Variants in COL5A2 observed in about 807,000 individuals in gnomAD.
The protein encoded by COL5A2 is collagen alpha-2(V) chain.
A neutral mutation model predicts 208.2 loss-of-function variants in COL5A2; 23 were observed. The observed-to-expected ratio is 0.11, with a 90% CI of 0.08 to 0.16. The LOEUF (loss-of-function observed/expected upper bound fraction) is 0.16, where lower values mean the gene tolerates loss of function less well. COL5A2 is among the 10% of genes least tolerant of loss of function. The probability of loss-of-function intolerance (pLI) is 1.00; values close to 1 mark genes in which losing one functional copy is unlikely to be tolerated. For missense variants in COL5A2, 1,590 were observed against 1,956.4 expected (o/e 0.81, Z 3.53); for synonymous variants, 625 against 628.5 (o/e 0.99, Z 0.08).
chr2:189,058,418 A>G lies in COL5A2; in HGVS notation c.2229+11T>C. On this transcript the variant is annotated intron_variant, in intron 33 of 53. Coordinates refer to ENST00000374866, the MANE Select transcript of COL5A2 (RefSeq NM_000393.5). ...AGCATTTTAAAACACTGAGATCACT[A>G]TGACACTTACTTTTGGGCCATCAGG... 1 of 1,606,026 alleles carries G rather than the reference A, an allele frequency of 6.2e-7. No homozygotes were observed. The highest frequency in any genetic ancestry group is 8.5e-7 in the Non-Finnish European group (1 of 1,172,652).
chr2:189,075,388 CT>C lies in COL5A2; in HGVS notation c.1104+4del. On this transcript the variant is annotated splice_donor_region_variant and intron_variant, in intron 17 of 53. Transcript: ENST00000374866. ...ATGAATTAATATGAAAATAATATAA[CT>C]CACCATTGGTCCAGGTTTTCCAGGC... is the stretch of plus-strand genomic sequence containing the variant. 4.4e-6 allele frequency: 7 copies of C among 1,586,702 alleles called. No individual in the cohort carries two copies. Among genetic ancestry groups the C allele is most frequent in the Non-Finnish European group, 6.1e-6 (7 of 1,155,778 alleles).
chr2:189,039,220 A>G, intron 51 of COL5A2, 52 bp downstream of exon 51: 1 of 1,605,416 alleles, frequency 6.2e-7, no homozygotes, highest in Non-Finnish European at 8.5e-7. Flanking sequence ...GCAGTTGAGA[A>G]TAAACAATCA....
chr2:189,091,352 G>A (rs1468017178), intron 7 of COL5A2, among the ~76,000 whole-genome samples: 1 of 152,194 alleles, frequency 6.6e-6, no homozygotes, highest in Admixed American at 6.5e-5. Flanking sequence ...TGAAGATACT[G>A]TGAAGATTGT....
chr2:189,121,729 T>C (rs2105736259), intron 1 of COL5A2, among the ~76,000 whole-genome samples: 1 of 85,564 alleles, frequency 1.2e-5, no homozygotes, highest in East Asian at 3.6e-4. Context: ...AGAGTGAGAC[T>C]CCGTCTCAAA....
the COL5A2 span, among the ~76,000 whole-genome samples, chr2:189,250,283 C>T: frequency 6.6e-6 from 1 of 152,270 alleles, no homozygotes; most frequent in South Asian, 2.1e-4. Flanking sequence ...ACTACTATAA[C>T]ACCCCATTTT....
At chr2:189,426,704 T>G in the COL5A2 span, among the ~76,000 whole-genome samples, 1 of 152,244 alleles carries the variant, frequency 6.6e-6, no homozygotes, top group Non-Finnish European at 1.5e-5. Flanking sequence ...ACTTCCGCTA[T>G]GCTTTAGCAA....
chr2:189,090,921 T>C (rs527532963), intron 7 of COL5A2, among the ~76,000 whole-genome samples: 1 of 152,344 alleles, frequency 6.6e-6, no homozygotes, highest in South Asian at 2.1e-4. Flanking sequence ...GATATTAATG[T>C]TGTTTTCATG....
At chr2:189,360,340 A>C in the COL5A2 span, among the ~76,000 whole-genome samples, 16 of 152,104 alleles carry the variant, frequency 1.1e-4, no homozygotes, top group African/African-American at 3.9e-4. Context: ...ATTATATTTC[A>C]ACCAGTAAAT....
intron 1 of COL5A2, among the ~76,000 whole-genome samples, chr2:189,175,298 G>A (rs918660958): frequency 5.3e-5 from 8 of 151,954 alleles, no homozygotes; most frequent in African/African-American, 1.9e-4. Flanking sequence ...CATAAAAGGG[G>A]GCAGGGTGGG....
the COL5A2 span, among the ~76,000 whole-genome samples, chr2:189,437,944 G>A: frequency 1.3e-5 from 2 of 151,702 alleles, no homozygotes; most frequent in African/African-American, 4.8e-5. Flanking sequence ...GTAAAAATGT[G>A]ACTAAATCCT....
At chr2:189,402,969 G>T in the COL5A2 span, among the ~76,000 whole-genome samples, 26 of 152,138 alleles carry the variant, frequency 1.7e-4, no homozygotes, top group Non-Finnish European at 3.7e-4. Context: ...CGTTTAAAGG[G>T]AATAGCACTG....
rs1689034228 is a variant in COL5A2 at position 189,198,514 on chromosome 2, A to C, written c.-42+26634T>G. Reference sequence around the variant, plus strand: ...GAAGAAATCCAGTGGTGAAGAAAAGACAGGGTAGAAAGTTTGTTACAGAGA... The same window carrying C: ...GAAGAAATCCAGTGGTGAAGAAAAGCCAGGGTAGAAAGTTTGTTACAGAGA... On this transcript the variant is annotated intron_variant, in intron 1 of 10. Transcript: ENST00000649966. Among the ~76,000 whole-genome samples, 4 of 152,330 alleles carry C rather than the reference A, an allele frequency of 2.6e-5. No individual in the cohort carries two copies. In the South Asian group the frequency reaches 8.3e-4, roughly 32 times the overall value.
At chr2:189,121,215 G>A (rs185357077) in intron 1 of COL5A2, among the ~76,000 whole-genome samples, 30 of 152,070 alleles carry the variant, frequency 2.0e-4, no homozygotes, top group African/African-American at 6.8e-4. Context: ...TTATTGTTTT[G>A]GGGGTTGCTT....
At chr2:189,168,467 CACA>C (rs1688513527) in intron 1 of COL5A2, among the ~76,000 whole-genome samples, 1 of 152,072 alleles carries the variant, frequency 6.6e-6, no homozygotes, top group East Asian at 1.9e-4. Context: ...GAAACTTCAT[CACA>C]ACATGAAAAC....
the COL5A2 span, among the ~76,000 whole-genome samples, chr2:189,428,208 A>G: frequency 6.6e-6 from 1 of 152,216 alleles, no homozygotes; most frequent in African/African-American, 2.4e-5. Flanking sequence ...ATGTTAAAAT[A>G]TAATCCCCAA....
chr2:189,057,487 T>C (rs1685925837), intron 33 of COL5A2, 60 bp from the exon 34 acceptor site: 2 of 1,266,280 alleles, frequency 1.6e-6, no homozygotes, highest in Admixed American at 1.7e-5. Context: ...CTAATGAAAT[T>C]GCTTTTTAGT....
intron 1 of COL5A2, among the ~76,000 whole-genome samples, chr2:189,153,285 A>G (rs534470158): frequency 6.6e-6 from 1 of 152,332 alleles, no homozygotes; most frequent in East Asian, 1.9e-4. Context: ...CTATTCTTGC[A>G]TGCTCTTCAC....
chr2:189,089,583 C>T (rs1242220897), intron 7 of COL5A2, among the ~76,000 whole-genome samples: 1 of 152,118 alleles, frequency 6.6e-6, no homozygotes, highest in African/African-American at 2.4e-5. Flanking sequence ...TTTTACTGTG[C>T]TTTACCAATA....
At chr2:189,431,392 T>A in the COL5A2 span, among the ~76,000 whole-genome samples, 12 of 151,824 alleles carry the variant, frequency 7.9e-5, no homozygotes, top group African/African-American at 2.9e-4. Flanking sequence ...ATAACACACT[T>A]CTCCGATCTA....
Sources: gnomAD v4.1 joint callset for allele counts (sites outside exome capture counted in the v4.1 genomes callset) on GRCh38, gnomAD v4.1.1 for gene constraint, MANE v1.5 for transcripts, NCBI Gene and HGNC (gene_info 2026-07-23, HGNC 2026-07-21) for gene names.